RERG: variants seen among roughly 807,000 people sequenced by gnomAD.
The protein encoded by RERG is ras-related and estrogen-regulated growth inhibitor.
RERG carries 25 observed loss-of-function variants against 23.2 expected under a neutral mutation model. The ratio of observed to expected loss-of-function variants is 1.08; its 90% CI spans 0.79 to 1.50. RERG has a LOEUF of 1.50. Ranked by LOEUF, RERG falls within the 40% of genes most tolerant of loss-of-function variation. The pLI, the probability that RERG is intolerant of heterozygous loss-of-function variation, is 0.00. For synonymous variants in RERG, 81 were observed against 89.1 expected (o/e 0.91, Z 0.51); for missense variants, 253 against 250.1 (o/e 1.01, Z -0.08).
intron 2 of RERG, 111 bp downstream of exon 2, chr12:15,217,318 A>G (rs1259361745): frequency 2.7e-6 from 2 of 736,978 alleles, no homozygotes. Flanking sequence ...AGAGTAAGAA[A>G]TGAAAATAGG....
At chr12:15,122,893 G>C (rs1161554467) in intron 2 of RERG, among the ~76,000 whole-genome samples, 1 of 151,618 alleles carries the variant, frequency 6.6e-6, no homozygotes, top group African/African-American at 2.4e-5. Context: ...CCACCTTTCG[G>C]GTTCAAGCAA....
intron 2 of RERG, among the ~76,000 whole-genome samples, chr12:15,173,993 C>T (rs564085401): frequency 7.4e-4 from 113 of 152,044 alleles, no homozygotes; most frequent in African/African-American, 2.6e-3. Context: ...TATGCAGTTA[C>T]CTTTACTAAT....
chr12:15,155,219 T>C (rs1473952454), intron 2 of RERG: 2 of 152,196 alleles, frequency 1.3e-5, no homozygotes, highest in Admixed American at 6.5e-5. Flanking sequence ...TTGTAACTTT[T>C]GGAAAAACAT....
intron 2 of RERG, among the ~76,000 whole-genome samples, chr12:15,176,147 C>T (rs929606144): frequency 3.3e-5 from 5 of 152,094 alleles, no homozygotes; most frequent in Admixed American, 1.3e-4. Context: ...ACTGCCATTC[C>T]AGAAGTTTCC....
At chr12:15,216,673 G>T (rs956032789) in intron 2 of RERG, among the ~76,000 whole-genome samples, 1 of 152,198 alleles carries the variant, frequency 6.6e-6, no homozygotes, top group African/African-American at 2.4e-5. Context: ...ACCCTGAAAG[G>T]TCATGCTGCC....
intron 2 of RERG, among the ~76,000 whole-genome samples, chr12:15,130,407 A>G (rs1178576810): frequency 6.6e-6 from 1 of 152,214 alleles, no homozygotes; most frequent in African/African-American, 2.4e-5. Context: ...TAAACTCCTC[A>G]GATGTTTTAG....
intron 2 of RERG, among the ~76,000 whole-genome samples, chr12:15,133,257 C>T (rs978564653): frequency 1.3e-5 from 2 of 150,722 alleles, no homozygotes; most frequent in African/African-American, 2.4e-5. Context: ...TCCCTCTCTT[C>T]CCCCTAAATC....
chr12:15,195,116 C>T (rs1184778630), intron 2 of RERG, among the ~76,000 whole-genome samples: 1 of 152,044 alleles, frequency 6.6e-6, no homozygotes, highest in Non-Finnish European at 1.5e-5. Flanking sequence ...CCCTTCTGAA[C>T]ATCATTATAG....
intron 2 of RERG, among the ~76,000 whole-genome samples, chr12:15,205,585 C>T (rs1264483652): frequency 6.6e-6 from 1 of 152,044 alleles, no homozygotes; most frequent in African/African-American, 2.4e-5. Context: ...GACTAGGAAG[C>T]TGGCTCAGTT....
At chr12:15,113,000 A>G (rs558136488) in intron 3 of RERG, among the ~76,000 whole-genome samples, 8 of 152,254 alleles carry the variant, frequency 5.3e-5, no homozygotes, top group Non-Finnish European at 1.2e-4. Flanking sequence ...CATCACCTAC[A>G]AAAAGATATG....
chr12:15,216,900 C>T lies in RERG; in HGVS notation c.61+529G>A, dbSNP rs1215340371. Reference sequence around the variant, plus strand: ...TTCACTGCAGAGGCATTCGCAATAGCTATCTTGCTTGAGAGCATGCACTCC... The same window carrying T: ...TTCACTGCAGAGGCATTCGCAATAGTTATCTTGCTTGAGAGCATGCACTCC... On this transcript the variant is annotated intron_variant, in intron 2 of 4. Transcript: ENST00000256953. Among the ~76,000 whole-genome samples, 5 of 152,334 alleles carry T rather than the reference C, an allele frequency of 3.3e-5. No homozygotes were observed. The East Asian group carries it at 9.6e-4, about 29-fold the overall frequency.
At chr12:15,209,797 A>C (rs1358856279) in intron 2 of RERG, among the ~76,000 whole-genome samples, 2 of 152,224 alleles carry the variant, frequency 1.3e-5, no homozygotes. Context: ...TGAATGATAC[A>C]AAATGAAAAC....
chr12:15,201,939 C>T (rs147567984), intron 2 of RERG, among the ~76,000 whole-genome samples: 1 of 151,608 alleles, frequency 6.6e-6, no homozygotes, highest in Non-Finnish European at 1.5e-5. Flanking sequence ...GTCCTGCCAA[C>T]GAAGGGAAAG....
intron 3 of RERG, among the ~76,000 whole-genome samples, chr12:15,112,831 A>C (rs543134778): frequency 6.6e-6 from 1 of 152,370 alleles, no homozygotes; most frequent in South Asian, 2.1e-4. Flanking sequence ...TTGAGGTTGT[A>C]ATGACTGAGA....
chr12:15,146,261 C>T (rs1342239050), intron 2 of RERG, among the ~76,000 whole-genome samples: 5 of 152,078 alleles, frequency 3.3e-5, no homozygotes, highest in African/African-American at 4.8e-5. Flanking sequence ...ATGCCAGGCT[C>T]CTTATCTTAT....
intron 2 of RERG, among the ~76,000 whole-genome samples, chr12:15,187,162 A>G (rs1865003926): frequency 6.6e-6 from 1 of 151,950 alleles, no homozygotes; most frequent in African/African-American, 2.4e-5. Flanking sequence ...GAGGAAATAG[A>G]CTCTGAAAAT....
chr12:15,159,659 T>C (rs1431000872), intron 2 of RERG, among the ~76,000 whole-genome samples: 1 of 152,066 alleles, frequency 6.6e-6, no homozygotes, highest in African/African-American at 2.4e-5. Context: ...CCGTCTCTAC[T>C]AAAAATACCA....
intron 2 of RERG, among the ~76,000 whole-genome samples, chr12:15,180,024 A>G (rs924671736): frequency 2.6e-5 from 4 of 152,248 alleles, no homozygotes; most frequent in Non-Finnish European, 5.9e-5. Flanking sequence ...TATAAAATTC[A>G]CACATATGAA....
At chr12:15,131,591 AT>A (rs570222906) in intron 2 of RERG, among the ~76,000 whole-genome samples, 2 of 152,170 alleles carry the variant, frequency 1.3e-5, no homozygotes, top group Non-Finnish European at 2.9e-5. Context: ...AACCGAAAAC[AT>A]TTGGACTTTA....
Sources: gnomAD v4.1 joint callset for allele counts (sites outside exome capture counted in the v4.1 genomes callset) on GRCh38, gnomAD v4.1.1 for gene constraint, MANE v1.5 for transcripts, NCBI Gene and HGNC (gene_info 2026-07-23, HGNC 2026-07-21) for gene names.